TRDN: variants seen among roughly 807,000 people sequenced by gnomAD.
TRDN encodes the protein triadin, also known as triadin in skeletal muscle.
In TRDN, 161 loss-of-function variants were observed where a neutral mutation model predicts 149.7. The ratio of observed to expected loss-of-function variants is 1.08; its 90% CI spans 0.95 to 1.23. The LOEUF (loss-of-function observed/expected upper bound fraction) is 1.23, where lower values mean the gene tolerates loss of function less well. Among genes scored for constraint, TRDN ranks in the 50% most tolerant of loss-of-function variants. The pLI is 0.00. For missense variants in TRDN, 896 were observed against 823.5 expected, an observed-to-expected ratio of 1.09 and a Z score of -1.08; for synonymous variants, 294 against 250.5, an observed-to-expected ratio of 1.17 and a Z score of -1.64.
intron 39 of TRDN, among the ~76,000 whole-genome samples, chr6:123,223,365 A>G (rs1775222505): frequency 6.6e-6 from 1 of 151,780 alleles, no homozygotes; most frequent in African/African-American, 2.4e-5. Flanking sequence ...GTGATGAAAT[A>G]ATCTGTACAA....
intron 9 of TRDN, among the ~76,000 whole-genome samples, chr6:123,496,055 A>G (rs534629278): frequency 6.8e-6 from 1 of 147,228 alleles, no homozygotes; most frequent in South Asian, 2.1e-4. Flanking sequence ...AATAATATAT[A>G]TCATTAATAT....
chr6:123,347,202 A>G (rs9375249), intron 21 of TRDN, among the ~76,000 whole-genome samples: 105,569 of 151,886 alleles, frequency 0.7, 38,122 homozygotes, highest in East Asian at 0.85. Flanking sequence ...CTGCCATTGT[A>G]CCAATGAATT....
chr6:123,627,218 C>T (rs1300454245), intron 1 of TRDN, among the ~76,000 whole-genome samples: 3 of 152,018 alleles, frequency 2.0e-5, no homozygotes, highest in East Asian at 1.9e-4. Flanking sequence ...CATGAGCCAC[C>T]GAGCCTGGCC....
At chr6:123,466,935 T>C (rs2114718978) in intron 9 of TRDN, among the ~76,000 whole-genome samples, 1 of 152,090 alleles carries the variant, frequency 6.6e-6, no homozygotes, top group East Asian at 1.9e-4. Context: ...TCTTGAGTTA[T>C]TGAGGAACTT....
chr6:123,239,523 A>C (rs1332544281), intron 38 of TRDN, among the ~76,000 whole-genome samples: 1 of 152,108 alleles, frequency 6.6e-6, no homozygotes, highest in South Asian at 2.1e-4. Context: ...CACTGAACAC[A>C]TTTCAAAGAA....
At chr6:123,363,370 AATG>A (rs1478767530) in intron 20 of TRDN, among the ~76,000 whole-genome samples, 1 of 152,184 alleles carries the variant, frequency 6.6e-6, no homozygotes, top group Non-Finnish European at 1.5e-5. Flanking sequence ...TTACTTGACA[AATG>A]AGAAAAGTAT....
chr6:123,473,229 C>T (rs2114742863), intron 9 of TRDN, among the ~76,000 whole-genome samples: 1 of 152,022 alleles, frequency 6.6e-6, no homozygotes, highest in East Asian at 1.9e-4. Context: ...CTAGAATAAC[C>T]AATACAGAGA....
At chr6:123,621,555 G>C (rs2114711853) in intron 1 of TRDN, among the ~76,000 whole-genome samples, 1 of 152,138 alleles carries the variant, frequency 6.6e-6, no homozygotes, top group East Asian at 1.9e-4. Flanking sequence ...GATAAACAGT[G>C]ACTTTTATGC....
At chr6:123,421,530 C>T (rs1773900602) in intron 12 of TRDN, 1 of 152,098 alleles carries the variant, frequency 6.6e-6, no homozygotes, top group Non-Finnish European at 1.5e-5. Context: ...TCTTCATACT[C>T]GACCTGAACT....
At position 123,433,143 on chromosome 6, in the gene TRDN, AATATATATATATATATATAATAT is replaced by A. The variant is rs138197504; in HGVS notation, c.1051+4897_1051+4919del. ...CACTCCCCTTCCCCCACACATCATA[AATATATATATATATATATAATAT>A]ATATATATATATATATACATCACAC... On this transcript the variant is annotated intron_variant, in intron 12 of 40. Coordinates refer to ENST00000334268, the MANE Select transcript of TRDN (RefSeq NM_006073.4). 9.4e-4 allele frequency among the ~76,000 whole-genome samples: 91 copies of A among 96,434 alleles called. 2 individuals carry two copies. The highest frequency in any genetic ancestry group is 7.8e-3 in the East Asian group (11 of 1,416). The allele number at this position is 96,434 out of a possible 152,430, so 63.3% of individuals were successfully genotyped here.
chr6:123,249,369 T>C (rs912975132), intron 38 of TRDN, among the ~76,000 whole-genome samples: 1 of 152,162 alleles, frequency 6.6e-6, no homozygotes, highest in African/African-American at 2.4e-5. Flanking sequence ...GAAAACATTA[T>C]GGAGAGTTCT....
intron 22 of TRDN, 52 bp from the exon 23 acceptor site, chr6:123,331,981 G>A (rs1182041014): frequency 1.5e-6 from 2 of 1,378,966 alleles, no homozygotes; most frequent in Admixed American, 2.3e-5. Context: ...GAGATTTTCA[G>A]ATACCTATAA....
At chr6:123,225,535 TACAC>T (rs568194271) in intron 38 of TRDN, among the ~76,000 whole-genome samples, 2 of 149,740 alleles carry the variant, frequency 1.3e-5, no homozygotes, top group South Asian at 2.1e-4. Flanking sequence ...CACACACACA[TACAC>T]ACACATACAC....
chr6:123,633,228 A>G (rs1786106655), intron 1 of TRDN, among the ~76,000 whole-genome samples: 1 of 152,084 alleles, frequency 6.6e-6, no homozygotes, highest in South Asian at 2.1e-4. Context: ...AGGAAGATAA[A>G]GGACTGTTTA....
intron 2 of TRDN, among the ~76,000 whole-genome samples, chr6:123,559,490 G>A (rs147891743): frequency 6.7e-6 from 1 of 149,192 alleles, no homozygotes; most frequent in African/African-American, 2.5e-5. Context: ...TCCTTTGCGT[G>A]CTCCTCTTGT....
intron 2 of TRDN, among the ~76,000 whole-genome samples, chr6:123,559,793 CTAT>C (rs1781880824): frequency 6.6e-6 from 1 of 152,188 alleles, no homozygotes. Context: ...ATTGTTTTGC[CTAT>C]CCACCCTGTG....
At chr6:123,502,399 T>C (rs1778737269) in intron 8 of TRDN, 4 of 613,968 alleles carry the variant, frequency 6.5e-6, no homozygotes, top group Non-Finnish European at 8.2e-6. Context: ...TCCTAAGTTT[T>C]AATATGACTT....
intron 23 of TRDN, among the ~76,000 whole-genome samples, chr6:123,328,144 C>T (rs1373909295): frequency 6.6e-6 from 1 of 152,224 alleles, no homozygotes; most frequent in South Asian, 2.1e-4. Flanking sequence ...GACTAGCCAA[C>T]ACAACTTGTT....
rs533799435 is a variant in TRDN at position 123,564,669 on chromosome 6, C to T, written c.232+6254G>A. Among the ~76,000 whole-genome samples, 202 of 152,300 alleles carry T rather than the reference C, an allele frequency of 1.3e-3. 1 individual carries two copies. Among genetic ancestry groups the T allele is most frequent in the Non-Finnish European group, 2.5e-3 (172 of 68,034 alleles). On this transcript the variant is annotated intron_variant, in intron 2 of 40. Coordinates refer to ENST00000334268, the MANE Select transcript of TRDN (RefSeq NM_006073.4). ...GACTTTTCATAAGAAATTGATGCTTCCTACTATTATGTCTTTGCTGGCTCT... is the reference window on the plus strand; with the variant it reads ...GACTTTTCATAAGAAATTGATGCTTTCTACTATTATGTCTTTGCTGGCTCT...
Sources: gnomAD v4.1 joint callset for allele counts (sites outside exome capture counted in the v4.1 genomes callset) on GRCh38, gnomAD v4.1.1 for gene constraint, MANE v1.5 for transcripts, NCBI Gene and HGNC (gene_info 2026-07-23, HGNC 2026-07-21) for gene names.